The following SORCS2 variants were observed in gnomAD, a reference collection of about 807,000 sequenced individuals.
SORCS2 encodes VPS10 domain-containing receptor SorCS2.
SORCS2 carries 100 observed loss-of-function variants against 141.6 expected under a neutral mutation model. The observed-to-expected ratio is 0.71, with a 90% CI of 0.60 to 0.83. SORCS2 has a LOEUF of 0.83. SORCS2 is among the 40% of genes least tolerant of loss of function. The probability of loss-of-function intolerance (pLI) is 0.00; values close to 1 mark genes in which losing one functional copy is unlikely to be tolerated. For missense variants in SORCS2, 1,646 were observed against 1,560.2 expected, an observed-to-expected ratio of 1.05 and a Z score of -0.93; for synonymous variants, 789 against 676.9, an observed-to-expected ratio of 1.17 and a Z score of -2.57.
intron 14 of SORCS2, among the ~76,000 whole-genome samples, chr4:7,710,254 C>T (rs961564206): frequency 4.6e-5 from 7 of 152,336 alleles, no homozygotes; most frequent in East Asian, 1.9e-4. Flanking sequence ...CGGGTTCCAA[C>T]GCCGCCCCTC....
chr4:7,413,684 G>C (rs1241944469), intron 2 of SORCS2, among the ~76,000 whole-genome samples: 2 of 152,130 alleles, frequency 1.3e-5, no homozygotes, highest in Non-Finnish European at 2.9e-5. Context: ...CACTGCACCT[G>C]ACCCACAACT....
At chr4:7,464,741 G>A (rs559717292) in intron 2 of SORCS2, among the ~76,000 whole-genome samples, 1 of 152,216 alleles carries the variant, frequency 6.6e-6, no homozygotes, top group Admixed American at 6.5e-5. Context: ...AGCTCACCTT[G>A]AATTTCCTCC....
intron 2 of SORCS2, among the ~76,000 whole-genome samples, chr4:7,523,687 A>G (rs1733482258): frequency 6.6e-6 from 1 of 152,132 alleles, no homozygotes; most frequent in African/African-American, 2.4e-5. Flanking sequence ...ACCGGCCCTC[A>G]GTGTCCCTGC....
chr4:7,237,001 G>A (rs1486548318), intron 1 of SORCS2, among the ~76,000 whole-genome samples: 2 of 152,220 alleles, frequency 1.3e-5, no homozygotes, highest in Admixed American at 1.3e-4. Context: ...AGACTGGTCG[G>A]GTGGGGCTCT....
intron 1 of SORCS2, among the ~76,000 whole-genome samples, chr4:7,367,210 T>G (rs1005973352): frequency 6.6e-6 from 1 of 152,194 alleles, no homozygotes; most frequent in South Asian, 2.1e-4. Context: ...GGCAATGACT[T>G]GGCCATCCTT....
intron 2 of SORCS2, among the ~76,000 whole-genome samples, chr4:7,422,563 C>A (rs1205280042): frequency 6.6e-6 from 1 of 152,080 alleles, no homozygotes; most frequent in African/African-American, 2.4e-5. Context: ...GTCCCAGGCC[C>A]CCTTGGTGCT....
At chr4:7,454,567 A>T (rs1577591365) in intron 2 of SORCS2, among the ~76,000 whole-genome samples, 14 of 104,390 alleles carry the variant, frequency 1.3e-4, no homozygotes, top group South Asian at 3.9e-4. Context: ...TGTTGGGGTC[A>T]GGAGCTGTGT....
chr4:7,316,794 TC>T (rs1718590246), intron 1 of SORCS2, among the ~76,000 whole-genome samples: 1 of 152,024 alleles, frequency 6.6e-6, no homozygotes, highest in Non-Finnish European at 1.5e-5. Context: ...TAGCCCACAC[TC>T]CCCCGTGGAG....
At chr4:7,377,631 T>C (rs1445558614) in intron 1 of SORCS2, among the ~76,000 whole-genome samples, 2 of 152,238 alleles carry the variant, frequency 1.3e-5, no homozygotes, top group Non-Finnish European at 2.9e-5. Context: ...TTTTTAGCCC[T>C]GATGTGATGG....
intron 3 of SORCS2, among the ~76,000 whole-genome samples, chr4:7,596,851 G>A (rs1717307331): frequency 6.6e-6 from 1 of 152,130 alleles, no homozygotes; most frequent in South Asian, 2.1e-4. Flanking sequence ...GCAGGCAGAG[G>A]GACTTCAGTG....
chr4:7,345,776 C>A lies in SORCS2; in HGVS notation c.481-50512C>A, dbSNP rs144589740. ...TCTTTGGTAACCCTTCTGCAGCAGA[C>A]CCAGTCTTCCTTCCTGCCGCCCTCT... On this transcript the variant is annotated intron_variant, in intron 1 of 26. Coordinates refer to ENST00000507866, the MANE Select transcript of SORCS2 (RefSeq NM_020777.3). 2.6e-4 allele frequency among the ~76,000 whole-genome samples: 40 copies of A among 152,350 alleles called. No individual in the cohort carries two copies. In the East Asian group the frequency reaches 7.7e-3, roughly 29 times the overall value.
At chr4:7,489,887 G>T (rs1056581411) in intron 2 of SORCS2, among the ~76,000 whole-genome samples, 1 of 152,174 alleles carries the variant, frequency 6.6e-6, no homozygotes, top group African/African-American at 2.4e-5. Flanking sequence ...GGGCTCTGGA[G>T]CCACAAGGAG....
intron 11 of SORCS2, among the ~76,000 whole-genome samples, chr4:7,693,070 C>T (rs571587124): frequency 2.0e-5 from 3 of 152,266 alleles, no homozygotes; most frequent in Admixed American, 6.5e-5. Context: ...CCGAGGGTGC[C>T]GGTGGCGGGT....
chr4:7,609,760 C>T (rs1358597644), intron 3 of SORCS2, among the ~76,000 whole-genome samples: 4 of 152,216 alleles, frequency 2.6e-5, no homozygotes, highest in Non-Finnish European at 4.4e-5. Flanking sequence ...CCGGGACCTC[C>T]GGATGGGCCT....
intron 2 of SORCS2, among the ~76,000 whole-genome samples, chr4:7,494,180 C>A (rs1731477384): frequency 6.6e-6 from 1 of 152,180 alleles, no homozygotes. Flanking sequence ...AGTTTTGTAA[C>A]CTGCTCTTCT....
chr4:7,433,898 T>TTACCGA, intron 2 of SORCS2: 1 of 1,613,838 alleles, frequency 6.2e-7, no homozygotes, highest in Non-Finnish European at 8.5e-7. Flanking sequence ...GAGGCAGGCA[T>TTACCGA]TACCGAGCAC....
At chr4:7,639,901 G>C (rs968635993) in intron 4 of SORCS2, among the ~76,000 whole-genome samples, 5 of 139,412 alleles carry the variant, frequency 3.6e-5, no homozygotes, top group Admixed American at 3.0e-4. Flanking sequence ...ACGTGAAAGT[G>C]TGTTTGTGGG....
intron 24 of SORCS2, 45 bp downstream of exon 24, chr4:7,733,466 C>T (rs776815662): frequency 1.2e-5 from 17 of 1,475,782 alleles, no homozygotes; most frequent in Non-Finnish European, 1.6e-5. Flanking sequence ...GAGGAGGCAT[C>T]CGGGCCCTGG....
chr4:7,214,037 G>A (rs1339748987), intron 1 of SORCS2, among the ~76,000 whole-genome samples: 1 of 152,130 alleles, frequency 6.6e-6, no homozygotes, highest in Non-Finnish European at 1.5e-5. Context: ...CCAGGTCTGG[G>A]GTGTCTGTTT....
Sources: allele counts gnomAD v4.1 joint callset (sites outside exome capture counted in the v4.1 genomes callset), GRCh38; gene constraint gnomAD v4.1.1; transcripts MANE v1.5; gene names NCBI Gene and HGNC (gene_info 2026-07-23, HGNC 2026-07-21).